The following GK5 variants were observed in gnomAD, a reference collection of about 807,000 sequenced individuals.
The protein encoded by GK5 is glycerol kinase 5, also known as ATP:glycerol 3-phosphotransferase 5.
GK5 carries 39 observed loss-of-function variants against 77.3 expected under a neutral mutation model. The ratio of observed to expected loss-of-function variants is 0.50; its 90% CI spans 0.39 to 0.66. The LOEUF (loss-of-function observed/expected upper bound fraction) is 0.66, where lower values mean the gene tolerates loss of function less well. Among genes scored for constraint, GK5 ranks in the 30% least tolerant of loss-of-function variants. The probability of loss-of-function intolerance (pLI) is 0.00; values close to 1 mark genes in which losing one functional copy is unlikely to be tolerated. For missense variants in GK5, 487 were observed against 633.8 expected (o/e 0.77, Z 2.49); for synonymous variants, 211 against 208.0 (o/e 1.01, Z -0.13).
At position 142,170,266 on chromosome 3, in the gene GK5, T is replaced by C. The variant is rs533688677; in HGVS notation, c.1441+59A>G. 224 of 1,562,746 alleles carry C rather than the reference T, an allele frequency of 1.4e-4. 2 individuals are homozygous for C. The South Asian group carries it at 2.0e-3, about 14-fold the overall frequency. On this transcript the variant is annotated intron_variant, in intron 15 of 15. Transcript: ENST00000392993. ...GAATTTTGTAATTTGAGAGGAGAAA[T>C]GCTATCTGTAAGGAAGAGTTTGCAA... is the stretch of plus-strand genomic sequence containing the variant.
chr3:142,173,027 A>G (rs185293959), intron 12 of GK5: 2 of 280,956 alleles, frequency 7.1e-6, no homozygotes, highest in Admixed American at 4.0e-5. Context: ...ACAAAGCAAG[A>G]TACCACCTTT....
intron 1 of GK5, among the ~76,000 whole-genome samples, chr3:142,224,054 G>C (rs1218248122): frequency 1.3e-5 from 2 of 152,058 alleles, no homozygotes; most frequent in Non-Finnish European, 2.9e-5. Flanking sequence ...TGATGGCTCC[G>C]GCCCTCCCTC....
chr3:142,197,498 A>G (rs1258416768), intron 5 of GK5, among the ~76,000 whole-genome samples: 1 of 152,124 alleles, frequency 6.6e-6, no homozygotes, highest in Non-Finnish European at 1.5e-5. Context: ...TAACCTCTTT[A>G]TATTTTTTAA....
At chr3:142,216,599 A>T (rs905657979) in intron 1 of GK5, among the ~76,000 whole-genome samples, 4 of 152,080 alleles carry the variant, frequency 2.6e-5, no homozygotes, top group African/African-American at 9.7e-5. Flanking sequence ...GAGTAATAAA[A>T]GCCCCAGCTT....
At chr3:142,225,074 C>T (rs537012454) in intron 1 of GK5, among the ~76,000 whole-genome samples, 16 of 152,302 alleles carry the variant, frequency 1.1e-4, no homozygotes, top group Admixed American at 2.0e-4. Flanking sequence ...ATACACCGGG[C>T]CCCTGGCACC....
intron 10 of GK5, 90 bp downstream of exon 10, chr3:142,182,833 A>C: frequency 2.3e-6 from 2 of 853,186 alleles, no homozygotes; most frequent in Non-Finnish European, 3.6e-6. Flanking sequence ...AGAATATCAC[A>C]AAATGGGAAA....
At chr3:142,179,528 T>C (rs1212009267) in intron 11 of GK5, among the ~76,000 whole-genome samples, 1 of 152,124 alleles carries the variant, frequency 6.6e-6, no homozygotes, top group Non-Finnish European at 1.5e-5. Context: ...TTAAAAAAAT[T>C]GGTTTTAAAA....
At chr3:142,210,753 A>C (rs145428956) in intron 3 of GK5, among the ~76,000 whole-genome samples, 1 of 152,204 alleles carries the variant, frequency 6.6e-6, no homozygotes, top group East Asian at 1.9e-4. Context: ...TAACTCTTCT[A>C]TTCCTTCTAA....
chr3:142,184,717 T>C (rs1453402797), intron 9 of GK5: 2 of 220,282 alleles, frequency 9.1e-6, no homozygotes, highest in African/African-American at 2.3e-5. Context: ...ACACCTATAG[T>C]CCTAGCTACT....
At chr3:142,208,623 T>C (rs754231342) in intron 3 of GK5, among the ~76,000 whole-genome samples, 1 of 152,346 alleles carries the variant, frequency 6.6e-6, no homozygotes, top group South Asian at 2.1e-4. Flanking sequence ...AATCTATTGA[T>C]ATATAATTCT....
chr3:142,224,424 GAAC>G lies in GK5; in HGVS notation c.147+882_147+884del, dbSNP rs201534505. 3.3e-4 allele frequency among the ~76,000 whole-genome samples: 50 copies of G among 152,176 alleles called. No homozygotes were observed. The East Asian group carries it at 7.7e-3, about 23-fold the overall frequency. ...AGACCCTGTCTCAAAAGAAAAAAAG[GAAC>G]AACAATAAGAACACCATAACAAATA... is the stretch of plus-strand genomic sequence containing the variant. On this transcript the variant is annotated intron_variant, in intron 1 of 15. Coordinates refer to ENST00000392993, the MANE Select transcript of GK5 (RefSeq NM_001039547.3).
chr3:142,220,850 A>G (rs1000210995), intron 1 of GK5, among the ~76,000 whole-genome samples: 1 of 152,244 alleles, frequency 6.6e-6, no homozygotes, highest in Non-Finnish European at 1.5e-5. Flanking sequence ...CTGGGATGCC[A>G]GATGGGGTTG....
intron 3 of GK5, among the ~76,000 whole-genome samples, chr3:142,209,001 T>A (rs937513168): frequency 6.6e-6 from 1 of 151,900 alleles, no homozygotes; most frequent in Admixed American, 6.6e-5. Flanking sequence ...TACAAAAAAT[T>A]AGCCGAGCGC....
chr3:142,203,591 G>A (rs6440066), intron 4 of GK5, among the ~76,000 whole-genome samples: 5,122 of 152,178 alleles, frequency 0.034, 289 homozygotes, highest in African/African-American at 0.12. Context: ...TGACTAACAC[G>A]GTGAAACCCC....
intron 11 of GK5, among the ~76,000 whole-genome samples, chr3:142,180,614 C>T (rs2063683608): frequency 6.6e-6 from 1 of 152,112 alleles, no homozygotes; most frequent in Non-Finnish European, 1.5e-5. Context: ...CTTTCTCTTT[C>T]TTTGTTTCCT....
At chr3:142,197,565 T>C (rs1314496042) in intron 5 of GK5, among the ~76,000 whole-genome samples, 2 of 152,148 alleles carry the variant, frequency 1.3e-5, no homozygotes, top group African/African-American at 4.8e-5. Flanking sequence ...TTTTATCCAG[T>C]CTAAAATCAC....
intron 1 of GK5, among the ~76,000 whole-genome samples, chr3:142,217,698 T>TATGA (rs2064291284): frequency 6.6e-6 from 1 of 152,080 alleles, no homozygotes; most frequent in African/African-American, 2.4e-5. Context: ...ACCCAAAGCA[T>TATGA]TACACACCCA....
rs1553825247 is a variant in GK5, at chr3:142,159,853, C to CTCTCTTTTTTTTTTTTTTTTTTTTTT, written c.*5768_*5769insAAAAAAAAAAAAAAAAAAAAAAGAGA. On this transcript the variant is annotated 3_prime_UTR_variant, in exon 16 of 16. Coordinates refer to ENST00000392993, the MANE Select transcript of GK5 (RefSeq NM_001039547.3). ...TTTCTCTCTCTCTCTCTCTCTCTCTCTTTTTTTTTTTTGAGACAGAGTCTC... is the reference window on the plus strand; with the variant it reads ...TTTCTCTCTCTCTCTCTCTCTCTCTCTCTCTTTTTTTTTTTTTTTTTTTTTTTTTTTTTTTTTTGAGACAGAGTCTC... 1.9e-5 allele frequency: 2 copies of CTCTCTTTTTTTTTTTTTTTTTTTTTT among 106,124 alleles called. No homozygotes were observed. The highest frequency in any genetic ancestry group is 3.1e-4 in the South Asian group (1 of 3,212). The allele number at this position is 106,124 out of a possible 1,614,324, so 6.6% of individuals were successfully genotyped here.
intron 12 of GK5, among the ~76,000 whole-genome samples, chr3:142,176,976 A>T (rs918931479): frequency 1.8e-4 from 27 of 152,140 alleles, no homozygotes; most frequent in African/African-American, 6.0e-4. Context: ...TTTGATTTTT[A>T]AAAAAAGTTT....
Sources: allele counts gnomAD v4.1 joint callset (sites outside exome capture counted in the v4.1 genomes callset), GRCh38; gene constraint gnomAD v4.1.1; transcripts MANE v1.5; gene names NCBI Gene and HGNC (gene_info 2026-07-23, HGNC 2026-07-21).